CDK15: variants seen among roughly 807,000 people sequenced by gnomAD.
The protein encoded by CDK15 is cyclin-dependent kinase 15.
A neutral mutation model predicts 60.3 loss-of-function variants in CDK15; 62 were observed. That is an observed-to-expected ratio of 1.03 (90% CI 0.84 to 1.27). CDK15 has a LOEUF of 1.27. Among genes scored for constraint, CDK15 ranks in the 50% most tolerant of loss-of-function variants. The probability of loss-of-function intolerance (pLI) is 0.00; values close to 1 mark genes in which losing one functional copy is unlikely to be tolerated. For missense variants in CDK15, 541 were observed against 527.8 expected (o/e 1.03, Z -0.25); for synonymous variants, 194 against 195.7 (o/e 0.99, Z 0.07).
chr2:201,857,488 A>G (rs530823169), intron 10 of CDK15, among the ~76,000 whole-genome samples: 3 of 151,994 alleles, frequency 2.0e-5, no homozygotes, highest in Non-Finnish European at 4.4e-5. Context: ...ACAGATGGAG[A>G]GGGTGCATTC....
chr2:201,865,384 GCCT>G (rs1698579050), intron 10 of CDK15, among the ~76,000 whole-genome samples: 1 of 152,140 alleles, frequency 6.6e-6, no homozygotes, highest in Non-Finnish European at 1.5e-5. Flanking sequence ...CAGGAGCAAG[GCCT>G]GGTCTCTCCT....
chr2:201,876,426 C>A, intron 11 of CDK15: 1 of 456,658 alleles, frequency 2.2e-6, no homozygotes, highest in Non-Finnish European at 4.2e-6. Context: ...AGGCCCAGAT[C>A]CTAATGGTCT....
intron 10 of CDK15, among the ~76,000 whole-genome samples, chr2:201,870,824 G>A (rs868549350): frequency 6.6e-6 from 1 of 152,296 alleles, no homozygotes; most frequent in African/African-American, 2.4e-5. Flanking sequence ...TTCTCAATTT[G>A]GAGTGGACAA....
intron 11 of CDK15, among the ~76,000 whole-genome samples, chr2:201,877,948 C>A (rs1699140986): frequency 6.6e-6 from 1 of 152,176 alleles, no homozygotes; most frequent in South Asian, 2.1e-4. Context: ...GCCAAGACTT[C>A]CAGCATCTCT....
intron 6 of CDK15, among the ~76,000 whole-genome samples, chr2:201,826,031 G>A (rs1218547469): frequency 6.6e-6 from 1 of 152,058 alleles, no homozygotes; most frequent in Admixed American, 6.6e-5. Flanking sequence ...TGCCCTCAAG[G>A]GACTTACAGC....
intron 4 of CDK15, 87 bp downstream of exon 4, chr2:201,812,649 A>G: frequency 1.4e-6 from 1 of 712,248 alleles, no homozygotes; most frequent in Non-Finnish European, 2.3e-6. Context: ...TTCAGCATCT[A>G]GTTTTGATTC....
At chr2:201,853,228 C>G (rs1005800983) in intron 9 of CDK15, among the ~76,000 whole-genome samples, 2 of 152,146 alleles carry the variant, frequency 1.3e-5, no homozygotes, top group African/African-American at 2.4e-5. Flanking sequence ...AGTGTTCCCT[C>G]GGGCTCAGGG....
intron 8 of CDK15, among the ~76,000 whole-genome samples, chr2:201,839,304 T>G (rs532780810): frequency 6.6e-6 from 1 of 152,334 alleles, no homozygotes; most frequent in African/African-American, 2.4e-5. Context: ...AGGGACATTC[T>G]ACAGAGTAAC....
At chr2:201,872,423 G>A (rs1040469523) in intron 11 of CDK15, 97 bp downstream of exon 11, 15 of 1,279,200 alleles carry the variant, frequency 1.2e-5, no homozygotes, top group Non-Finnish European at 1.6e-5. Flanking sequence ...CAGCCCCCGA[G>A]CACTTCCATG....
intron 11 of CDK15, among the ~76,000 whole-genome samples, chr2:201,874,980 G>A (rs921356096): frequency 6.6e-6 from 1 of 152,158 alleles, no homozygotes; most frequent in Non-Finnish European, 1.5e-5. Context: ...TGGCAGTGCT[G>A]TGGGTGGGAG....
intron 7 of CDK15, among the ~76,000 whole-genome samples, chr2:201,835,293 G>A (rs564163125): frequency 6.6e-6 from 1 of 152,214 alleles, no homozygotes; most frequent in South Asian, 2.1e-4. Context: ...GCCACTTCCT[G>A]CTCATCACAG....
chr2:201,868,850 A>T (rs1172421035), intron 10 of CDK15, among the ~76,000 whole-genome samples: 1 of 152,218 alleles, frequency 6.6e-6, no homozygotes, highest in Non-Finnish European at 1.5e-5. Context: ...CACCAGTTAG[A>T]ATGGCAATCA....
chr2:201,840,561 T>C (rs963318639), intron 8 of CDK15, among the ~76,000 whole-genome samples: 11 of 151,972 alleles, frequency 7.2e-5, no homozygotes, highest in Admixed American at 3.9e-4. Flanking sequence ...TAGAGTGTTT[T>C]GTTTTGTTTG....
At chr2:201,888,361 A>T in intron 12 of CDK15, 1 of 1,482,024 alleles carries the variant, frequency 6.7e-7, no homozygotes, top group Non-Finnish European at 8.9e-7. Context: ...TAAGAATCTA[A>T]AAGTTTTAAA....
At chr2:201,864,146 A>C (rs940393323) in intron 10 of CDK15, among the ~76,000 whole-genome samples, 1 of 152,160 alleles carries the variant, frequency 6.6e-6, no homozygotes, top group Non-Finnish European at 1.5e-5. Context: ...AGAGGGGAAA[A>C]TAAATAAATA....
chr2:201,836,015 TTTTTATATATTTATATATA>T (rs1697017353), intron 8 of CDK15, among the ~76,000 whole-genome samples: 1 of 126,712 alleles, frequency 7.9e-6, no homozygotes, highest in Non-Finnish European at 1.6e-5. Context: ...TATTTTTATA[TTTTTATATATTTATATATA>T]TTTTATATAT....
At chr2:201,846,793 G>GAC (rs1697689772) in intron 8 of CDK15, among the ~76,000 whole-genome samples, 1 of 152,140 alleles carries the variant, frequency 6.6e-6, no homozygotes, top group Non-Finnish European at 1.5e-5. Flanking sequence ...GGTAAGTGTA[G>GAC]ACATCAAAGA....
chr2:201,845,853 G>C (rs987853896), intron 8 of CDK15, among the ~76,000 whole-genome samples: 1 of 151,384 alleles, frequency 6.6e-6, no homozygotes, highest in Non-Finnish European at 1.5e-5. Context: ...AAAAGAGAGA[G>C]AGAGAGAGAG....
intron 11 of CDK15, 63 bp from the exon 12 acceptor site, chr2:201,879,965 T>C: frequency 6.3e-7 from 1 of 1,578,022 alleles, no homozygotes; most frequent in Non-Finnish European, 8.6e-7. Context: ...TTTGTTTTTA[T>C]CCCTTTGTTT....
Sources: gnomAD v4.1 joint callset for allele counts (sites outside exome capture counted in the v4.1 genomes callset) on GRCh38, gnomAD v4.1.1 for gene constraint, MANE v1.5 for transcripts, NCBI Gene and HGNC (gene_info 2026-07-23, HGNC 2026-07-21) for gene names.